Variants in OR1J2 observed in about 807,000 individuals in gnomAD.
OR1J2 encodes olfactory receptor family 1 subfamily J member 2, also known as olfactory receptor 1J2.
For missense variants in OR1J2, 304 were observed against 246.1 expected, an observed-to-expected ratio of 1.24 and a Z score of -1.57; for synonymous variants, 142 against 99.7, an observed-to-expected ratio of 1.42 and a Z score of -2.52.
chr9:122,547,346 A>C, the OR1J2 span, among the ~76,000 whole-genome samples: 1 of 152,148 alleles, frequency 6.6e-6, no homozygotes, highest in African/African-American at 2.4e-5. Flanking sequence ...TTTTAAAAAC[A>C]ATTTGATTGT....
the OR1J2 span, among the ~76,000 whole-genome samples, chr9:122,470,630 A>G: frequency 1.3e-5 from 2 of 152,182 alleles, no homozygotes; most frequent in African/African-American, 4.8e-5. Context: ...AGACCCCAGA[A>G]TTGTAGAGCC....
downstream of OR1J2, among the ~76,000 whole-genome samples, chr9:122,514,037 A>G (rs1440399413): frequency 6.6e-6 from 1 of 152,246 alleles, no homozygotes; most frequent in African/African-American, 2.4e-5. Flanking sequence ...TGGTGACAAT[A>G]AATTATCACA....
the OR1J2 span, among the ~76,000 whole-genome samples, chr9:122,495,212 T>C: frequency 1.3e-5 from 2 of 152,308 alleles, no homozygotes; most frequent in Admixed American, 6.5e-5. Context: ...TTGAACTTCT[T>C]ATATTTGGAT....
chr9:122,508,301 G>A (rs929965363), upstream of OR1J2, among the ~76,000 whole-genome samples: 3 of 152,084 alleles, frequency 2.0e-5, no homozygotes, highest in Non-Finnish European at 1.5e-5. Flanking sequence ...CAATATGTAT[G>A]TTAGGGTGGG....
chr9:122,488,047 G>C, the OR1J2 span, among the ~76,000 whole-genome samples: 1 of 152,034 alleles, frequency 6.6e-6, no homozygotes, highest in Non-Finnish European at 1.5e-5. Flanking sequence ...CCTAAAGCCT[G>C]GTTTCATTCT....
the OR1J2 span, among the ~76,000 whole-genome samples, chr9:122,464,256 A>C: frequency 6.6e-6 from 1 of 152,200 alleles, no homozygotes; most frequent in Non-Finnish European, 1.5e-5. Flanking sequence ...CCCAGATCCC[A>C]TGCAGCCCAC....
chr9:122,477,929 T>TTA, the OR1J2 span: 3 of 1,579,218 alleles, frequency 1.9e-6, no homozygotes, highest in Non-Finnish European at 2.6e-6. Flanking sequence ...GGGCTCATGT[T>TTA]TATATCAGCT....
At chr9:122,553,199 C>T in the OR1J2 span, 2,040 of 1,611,796 alleles carry the variant, frequency 1.3e-3, 5 homozygotes, top group Non-Finnish European at 1.6e-3. Context: ...GCAGATCACA[C>T]GAACTACAAG....
chr9:122,542,581 G>A, the OR1J2 span, among the ~76,000 whole-genome samples: 2 of 151,702 alleles, frequency 1.3e-5, no homozygotes, highest in African/African-American at 2.4e-5. Context: ...TTCCTATACC[G>A]CCCACCTAGA....
chr9:122,454,467 G>A, the OR1J2 span, among the ~76,000 whole-genome samples: 1 of 152,050 alleles, frequency 6.6e-6, no homozygotes, highest in African/African-American at 2.4e-5. Flanking sequence ...GCAGCGAGCT[G>A]AGATCATGCC....
At chr9:122,565,218 T>C in the OR1J2 span, among the ~76,000 whole-genome samples, 2 of 152,238 alleles carry the variant, frequency 1.3e-5, no homozygotes, top group African/African-American at 2.4e-5. Context: ...AGCAACATGA[T>C]TGGAAAATTG....
the OR1J2 span, chr9:122,566,968 G>A: frequency 3.3e-5 from 5 of 151,566 alleles, no homozygotes; most frequent in Non-Finnish European, 4.4e-5. Flanking sequence ...GAAATTAAAA[G>A]TAAATAAAAC....
the OR1J2 span, among the ~76,000 whole-genome samples, chr9:122,530,088 G>T: frequency 2.0e-5 from 3 of 152,166 alleles, no homozygotes; most frequent in Non-Finnish European, 2.9e-5. Context: ...ATATTTAAGG[G>T]GGTTAAGGGA....
the OR1J2 span, among the ~76,000 whole-genome samples, chr9:122,524,232 G>C: frequency 6.6e-6 from 1 of 152,144 alleles, no homozygotes; most frequent in Admixed American, 6.5e-5. Flanking sequence ...TTGTAGCCTG[G>C]GAGCATTAGT....
At chr9:122,544,743 C>G in the OR1J2 span, among the ~76,000 whole-genome samples, 2 of 152,094 alleles carry the variant, frequency 1.3e-5, no homozygotes, top group African/African-American at 4.8e-5. Context: ...ACCTTGCTTT[C>G]TCTTTCTTTT....
At chr9:122,519,957 A>C in the OR1J2 span, 2 of 1,614,078 alleles carry the variant, frequency 1.2e-6, no homozygotes, top group East Asian at 4.5e-5. Flanking sequence ...CAAGGACGTA[A>C]TTGCCTCTGT....
chr9:122,528,070 C>T, the OR1J2 span, among the ~76,000 whole-genome samples: 9 of 152,234 alleles, frequency 5.9e-5, no homozygotes, highest in Non-Finnish European at 1.3e-4. Context: ...ACTGTACCAT[C>T]AGTCAATATA....
At chr9:122,495,946 G>A in the OR1J2 span, among the ~76,000 whole-genome samples, 2 of 152,150 alleles carry the variant, frequency 1.3e-5, no homozygotes, top group Admixed American at 1.3e-4. Flanking sequence ...TGTAGTGATT[G>A]TTTTTCCTCT....
the OR1J2 span, chr9:122,519,995 G>A: frequency 6.2e-7 from 1 of 1,614,144 alleles, no homozygotes; most frequent in East Asian, 2.2e-5. Context: ...CCCCATTGCT[G>A]AATCCCTTCA....
Sources: gnomAD v4.1 joint callset for allele counts (sites outside exome capture counted in the v4.1 genomes callset) on GRCh38, gnomAD v4.1.1 for gene constraint, MANE v1.5 for transcripts, NCBI Gene and HGNC (gene_info 2026-07-23, HGNC 2026-07-21) for gene names.